Variants in SAMD3 observed in about 807,000 individuals in gnomAD.
SAMD3 encodes sterile alpha motif domain containing 3.
SAMD3 carries 63 observed loss-of-function variants against 58.5 expected under a neutral mutation model. The ratio of observed to expected loss-of-function variants is 1.08; its 90% CI spans 0.88 to 1.33. The LOEUF (loss-of-function observed/expected upper bound fraction) is 1.33. Among genes scored for constraint, SAMD3 ranks in the 40% most tolerant of loss-of-function variants. The probability of loss-of-function intolerance (pLI) is 0.00; values close to 1 mark genes in which losing one functional copy is unlikely to be tolerated. For missense variants in SAMD3, 604 were observed against 608.4 expected, an observed-to-expected ratio of 0.99 and a Z score of 0.08; for synonymous variants, 220 against 210.3, an observed-to-expected ratio of 1.05 and a Z score of -0.40.
chr6:130,365,663 G>T, upstream of SAMD3: 1 of 985,492 alleles, frequency 1.0e-6, no homozygotes, highest in Non-Finnish European at 1.2e-6. Context: ...GGGCCCCACG[G>T]GTGGGTGTGT....
chr6:130,345,866 A>T (rs1183863109), intron 1 of SAMD3, among the ~76,000 whole-genome samples: 1 of 152,306 alleles, frequency 6.6e-6, no homozygotes, highest in African/African-American at 2.4e-5. Flanking sequence ...AGTATCTGTC[A>T]TGGGTCATGT....
chr6:130,180,960 C>CTTTTTTTTTTTTT lies in SAMD3; in HGVS notation c.654+3142_654+3143insAAAAAAAAAAAAA, dbSNP rs1462563718. ...TTTTCTTTTTCTTTCTTTCTTTTTT[C>CTTTTTTTTTTTTT]TTTTGAGACGGAGTTCCGCTCTTGT... On this transcript the variant is annotated intron_variant, in intron 7 of 11. Transcript: ENST00000439090. Among the ~76,000 whole-genome samples the CTTTTTTTTTTTTT allele has an allele frequency of 2.2e-4, 30 of 136,480 alleles. No individual in the cohort carries two copies. The Admixed American group carries it at 2.3e-3, about 10-fold the overall frequency. The allele number at this position is 136,480 out of a possible 152,430, so 89.5% of individuals were successfully genotyped here.
chr6:130,315,404 T>G (rs1562517655), intron 1 of SAMD3, among the ~76,000 whole-genome samples: 1 of 152,162 alleles, frequency 6.6e-6, no homozygotes, highest in Non-Finnish European at 1.5e-5. Flanking sequence ...ATTTGGAGAT[T>G]GAGTTATGTG....
At chr6:130,282,070 G>A (rs972646177) in intron 2 of SAMD3, among the ~76,000 whole-genome samples, 1 of 152,040 alleles carries the variant, frequency 6.6e-6, no homozygotes, top group African/African-American at 2.4e-5. Flanking sequence ...AGCTACTCAG[G>A]AAAGTCTTAC....
chr6:130,177,315 A>G (rs930669525), intron 7 of SAMD3, among the ~76,000 whole-genome samples: 2 of 152,160 alleles, frequency 1.3e-5, no homozygotes, highest in Admixed American at 1.3e-4. Flanking sequence ...AAGTCTTCCT[A>G]GGCCATGTTG....
chr6:130,319,393 C>T (rs1012455600), intron 1 of SAMD3, among the ~76,000 whole-genome samples: 22 of 151,582 alleles, frequency 1.5e-4, no homozygotes, highest in African/African-American at 4.6e-4. Flanking sequence ...TTTAAAAGCC[C>T]GAAGCGAAAG....
intron 1 of SAMD3, among the ~76,000 whole-genome samples, chr6:130,319,421 GA>G (rs1419218203): frequency 4.6e-5 from 7 of 151,670 alleles, no homozygotes; most frequent in Non-Finnish European, 1.0e-4. Context: ...AGATACAAAG[GA>G]AAAAAGACAA....
chr6:130,214,515 T>A lies in SAMD3; in HGVS notation c.91A>T (p.Ser31Cys). Reference protein sequence around the residue: ...LVHRFQEEEVSGAALLALNDR... With the variant: ...LVHRFQEEEVCGAALLALNDR... ...TTAAGTGCAAGAAGAGCGGCCCCAC[T>A]TACTTCTTCCTCTGGGAAAAAGAAA... The change falls in exon 4 of 12, where the codon AGT becomes TGT. Residue 31 changes from serine to cysteine, a missense_variant. Transcript: ENST00000439090. The A allele has an allele frequency of 6.3e-7, 1 of 1,587,088 alleles. No individual in the cohort carries two copies. Among genetic ancestry groups the A allele is most frequent in the Non-Finnish European group, 8.6e-7 (1 of 1,168,760 alleles).
intron 2 of SAMD3, among the ~76,000 whole-genome samples, chr6:130,262,835 A>G (rs2114925018): frequency 6.6e-6 from 1 of 152,330 alleles, no homozygotes; most frequent in East Asian, 1.9e-4. Flanking sequence ...GTTAATTGAA[A>G]AAAAATTCTG....
intron 2 of SAMD3, among the ~76,000 whole-genome samples, chr6:130,246,510 A>AT (rs11356571): frequency 0.033 from 4,852 of 147,918 alleles, 91 homozygotes; most frequent in Non-Finnish European, 0.049. Context: ...TTGTATTGGT[A>AT]TTTTTTTTTT....
At chr6:130,361,756 C>A (rs748896986) in intron 1 of SAMD3, among the ~76,000 whole-genome samples, 3 of 152,122 alleles carry the variant, frequency 2.0e-5, no homozygotes, top group Non-Finnish European at 2.9e-5. Flanking sequence ...GAATTAAATT[C>A]TTTTACAATA....
At chr6:130,176,321 T>A in intron 7 of SAMD3, 1 of 330,060 alleles carries the variant, frequency 3.0e-6, no homozygotes, top group Non-Finnish European at 5.7e-6. Context: ...TTCCCAAAAG[T>A]GATACTTTCC....
chr6:130,208,183 C>T (rs1795240873), intron 5 of SAMD3, among the ~76,000 whole-genome samples: 1 of 152,262 alleles, frequency 6.6e-6, no homozygotes, highest in South Asian at 2.1e-4. Context: ...GTTGTGAAAA[C>T]TGAAGGACCA....
At chr6:130,294,909 A>ATTTTTT (rs774036634) in intron 2 of SAMD3, among the ~76,000 whole-genome samples, 1 of 56,146 alleles carries the variant, frequency 1.8e-5, no homozygotes, top group African/African-American at 8.4e-5. Context: ...CATTTCTCTG[A>ATTTTTT]TTTTTTTTTT....
chr6:130,326,506 T>C (rs1776766450), intron 1 of SAMD3, among the ~76,000 whole-genome samples: 2 of 152,196 alleles, frequency 1.3e-5, no homozygotes, highest in Non-Finnish European at 2.9e-5. Context: ...TGTACATTTC[T>C]CTAACTGAAT....
intron 8 of SAMD3, among the ~76,000 whole-genome samples, chr6:130,156,439 C>G (rs907490437): frequency 6.6e-5 from 10 of 152,154 alleles, no homozygotes; most frequent in African/African-American, 2.2e-4. Flanking sequence ...CAGTCACTCT[C>G]GTTCATGAAC....
At position 130,308,360 on chromosome 6, in the gene SAMD3, A is replaced by ATTCTATTCTATTCTATTCTATTCT. The variant is rs1562512710; in HGVS notation, c.-188+4594_-188+4617dup. 7.0e-3 allele frequency among the ~76,000 whole-genome samples: 191 copies of ATTCTATTCTATTCTATTCTATTCT among 27,384 alleles called. 1 individual carries two copies. The highest frequency in any genetic ancestry group is 0.019 in the Middle Eastern group (1 of 52). 18.0% of individuals were successfully genotyped at this position (27,384 alleles called of 152,430 possible). ...TGGCAAGTTCATAGAATTCTATTCT[A>ATTCTATTCTATTCTATTCTATTCT]TTCTATTCTATTCTATTCTATTCTA... On this transcript the variant is annotated intron_variant, in intron 2 of 13. Coordinates refer to the SAMD3 transcript ENST00000368134.
intron 2 of SAMD3, among the ~76,000 whole-genome samples, chr6:130,296,508 C>T (rs1775575006): frequency 6.6e-6 from 1 of 152,214 alleles, no homozygotes; most frequent in South Asian, 2.1e-4. Context: ...ATATCATCTC[C>T]TGCCTTCCCC....
chr6:130,277,617 A>G (rs927868380), intron 2 of SAMD3, among the ~76,000 whole-genome samples: 1 of 152,106 alleles, frequency 6.6e-6, no homozygotes, highest in African/African-American at 2.4e-5. Flanking sequence ...GGAATAACTT[A>G]GGTGTCACTT....
Sources: gnomAD v4.1 joint callset for allele counts (sites outside exome capture counted in the v4.1 genomes callset) on GRCh38, gnomAD v4.1.1 for gene constraint, MANE v1.5 for transcripts, NCBI Gene and HGNC (gene_info 2026-07-23, HGNC 2026-07-21) for gene names.